The following CFAP54 variants were observed in gnomAD, a reference collection of about 807,000 sequenced individuals.
The protein encoded by CFAP54 is cilia- and flagella-associated protein 54.
CFAP54 carries 290 observed loss-of-function variants against 370.4 expected under a neutral mutation model. The observed-to-expected ratio is 0.78, with a 90% CI of 0.71 to 0.86. The LOEUF (loss-of-function observed/expected upper bound fraction) is 0.86, where lower values mean the gene tolerates loss of function less well. Among genes scored for constraint, CFAP54 ranks in the 40% least tolerant of loss-of-function variants. The pLI is 0.00. For synonymous variants in CFAP54, 1,206 were observed against 1,236.5 expected (o/e 0.98, Z 0.52); for missense variants, 3,399 against 3,528.7 (o/e 0.96, Z 0.93).
At chr12:96,754,964 G>A (rs1326367363) in intron 56 of CFAP54, among the ~76,000 whole-genome samples, 3 of 151,986 alleles carry the variant, frequency 2.0e-5, no homozygotes, top group Admixed American at 6.5e-5. Flanking sequence ...GGCTGATCTC[G>A]AACTCCTGAC....
At position 96,739,958 on chromosome 12, in the gene CFAP54, C is replaced by A. The variant is rs1216357039; in HGVS notation, c.6968C>A (p.Ala2323Asp). 2 of 1,493,678 alleles carry A rather than the reference C, an allele frequency of 1.3e-6. No homozygotes were observed. Among genetic ancestry groups the A allele is most frequent in the Non-Finnish European group, 1.9e-6 (2 of 1,080,242 alleles). 92.5% of individuals were successfully genotyped at this position (1,493,678 alleles called of 1,614,324 possible). Residue 2323 changes from alanine to aspartate, a missense_variant and splice_region_variant, in exon 51 of 68, where the codon GCT (alanine) becomes GAT (aspartate). Coordinates refer to ENST00000524981, the MANE Select transcript of CFAP54 (RefSeq NM_001306084.2). ...ALQRHRAAYSAAIVFSTLTLL... is the reference protein window; with the variant it reads ...ALQRHRAAYSDAIVFSTLTLL... Reference sequence around the variant, plus strand: ...TTAAAATATATTTTCTATTTTAGTGCTGCAATAGTATTTTCTACACTTACA... The same window carrying A: ...TTAAAATATATTTTCTATTTTAGTGATGCAATAGTATTTTCTACACTTACA...
At chr12:96,631,698 C>T (rs1474901551) in intron 32 of CFAP54, among the ~76,000 whole-genome samples, 1 of 148,716 alleles carries the variant, frequency 6.7e-6, no homozygotes, top group East Asian at 1.9e-4. Flanking sequence ...CATGCATAAA[C>T]AATATATATT....
Position 96,538,407 on chromosome 12 carries a change from T to C in CFAP54, c.1815T>C (p.Ile605=), listed in dbSNP as rs1955531493. 1.3e-6 allele frequency: 2 copies of C among 1,535,260 alleles called. No homozygotes were observed. Among genetic ancestry groups the C allele is most frequent in the South Asian group, 1.2e-5 (1 of 83,824 alleles). Residue 605 remains isoleucine, a synonymous_variant, in exon 13 of 68, where the codon ATT becomes ATC. Transcript: ENST00000524981. ...APQDVQPDKE[I]VVDTIMFLWQ... ...AGGATGTTCAACCTGATAAAGAAAT[T>C]GTTGTGGACACGATAATGTTCCTAT...
At chr12:96,548,108 C>T (rs531358291) in intron 15 of CFAP54, 130 bp downstream of exon 15, 1 of 465,702 alleles carries the variant, frequency 2.1e-6, no homozygotes, top group Non-Finnish European at 3.7e-6. Flanking sequence ...GATTATATGG[C>T]TTTATATATT....
At chr12:96,596,561 A>G (rs77438887) in intron 25 of CFAP54, among the ~76,000 whole-genome samples, 5,036 of 152,212 alleles carry the variant, frequency 0.033, 284 homozygotes, top group African/African-American at 0.12. Flanking sequence ...TGTACCATGT[A>G]CAAAAAGTCC....
intron 49 of CFAP54, among the ~76,000 whole-genome samples, chr12:96,718,946 G>T (rs1335045869): frequency 6.6e-6 from 1 of 151,958 alleles, no homozygotes; most frequent in East Asian, 1.9e-4. Context: ...GCTGAGGCAG[G>T]AGAATCGCTT....
intron 66 of CFAP54, among the ~76,000 whole-genome samples, chr12:96,850,190 C>A (rs1240176896): frequency 6.9e-6 from 1 of 144,264 alleles, no homozygotes; most frequent in Non-Finnish European, 1.5e-5. Context: ...ACTAGCCTGT[C>A]CAACATGGTG....
Position 96,784,721 on chromosome 12 carries a change from C to A in CFAP54, c.8286C>A (p.Asn2762Lys). 1 of 1,509,998 alleles carries A rather than the reference C, an allele frequency of 6.6e-7. No homozygotes were observed. Among genetic ancestry groups the A allele is most frequent in the Non-Finnish European group, 8.8e-7 (1 of 1,136,382 alleles). The allele number at this position is 1,509,998 out of a possible 1,614,324, so 93.5% of individuals were successfully genotyped here. The change falls in exon 61 of 68, where the codon AAC (asparagine) becomes AAA (lysine). Residue 2762 changes from asparagine to lysine, a missense_variant. This residue lies in a region of CFAP54 where 2,796 missense variants were observed against 2,869.7 expected (regional missense o/e 0.97). Coordinates refer to ENST00000524981, the MANE Select transcript of CFAP54 (RefSeq NM_001306084.2). ...LSSYTDYLLDNYQVLFQTSCT... is the reference protein window; with the variant it reads ...LSSYTDYLLDKYQVLFQTSCT... ...AAAAAAGTTTTTCACTTTCAGACAA[C>A]TACCAAGTCCTCTTCCAGACTTCCT... is the stretch of plus-strand genomic sequence containing the variant.
chr12:96,655,403 A>C (rs1412919862), intron 36 of CFAP54, among the ~76,000 whole-genome samples: 1 of 152,124 alleles, frequency 6.6e-6, no homozygotes, highest in African/African-American at 2.4e-5. Flanking sequence ...TCTTTACAAA[A>C]GTATCCAGGT....
At chr12:96,669,690 G>GA (rs561364178) in intron 39 of CFAP54, among the ~76,000 whole-genome samples, 167 of 152,284 alleles carry the variant, frequency 1.1e-3, no homozygotes, top group African/African-American at 3.8e-3. Flanking sequence ...CAGGTTAGAG[G>GA]AAAAGGTCGC....
chr12:96,706,476 G>A (rs1474084525), intron 47 of CFAP54, among the ~76,000 whole-genome samples: 1 of 152,148 alleles, frequency 6.6e-6, no homozygotes, highest in Non-Finnish European at 1.5e-5. Context: ...TGCCTAGCTT[G>A]GCGAGGGACA....
At position 96,685,064 on chromosome 12, in the gene CFAP54, A is replaced by C; in HGVS notation, c.5840A>C (p.Asp1947Ala). 1.9e-6 allele frequency: 3 copies of C among 1,614,072 alleles called. No homozygotes were observed. The highest frequency in any genetic ancestry group is 2.5e-6 in the Non-Finnish European group (3 of 1,180,006). Residue 1947 changes from aspartate to alanine, a missense_variant, in exon 42 of 68, where the codon GAC becomes GCC. Asp to Ala is a moderately radical substitution (Grantham distance 126). Coordinates refer to ENST00000524981, the MANE Select transcript of CFAP54 (RefSeq NM_001306084.2). ...AAGTGTTGGTGTCAAGCTCTTGATGACATATTCAGAAAACCAGACGTGCTA... is the reference window on the plus strand; with the variant it reads ...AAGTGTTGGTGTCAAGCTCTTGATGCCATATTCAGAAAACCAGACGTGCTA... ...AFKCWCQALD[D>A]IFRKPDVLHT... is the part of the protein sequence containing the mutation.
chr12:96,689,178 TGAGACGGAG>T (rs1592709823), intron 43 of CFAP54, among the ~76,000 whole-genome samples, 196 bp downstream of exon 43: 2 of 152,298 alleles, frequency 1.3e-5, no homozygotes, highest in East Asian at 3.9e-4. Flanking sequence ...TTTCTTTTTT[TGAGACGGAG>T]TCTCACTCTG....
intron 25 of CFAP54, among the ~76,000 whole-genome samples, chr12:96,598,098 T>C (rs1338770961): frequency 6.4e-5 from 5 of 78,088 alleles, no homozygotes; most frequent in Non-Finnish European, 1.3e-4. Context: ...CACACTACCT[T>C]TGAAAAGCTA....
intron 50 of CFAP54, among the ~76,000 whole-genome samples, chr12:96,728,496 C>G (rs536891625): frequency 3.3e-5 from 5 of 152,214 alleles, no homozygotes; most frequent in African/African-American, 1.2e-4. Flanking sequence ...GCATTCTTCA[C>G]GTAGTTCTCG....
chr12:96,535,354 T>A (rs1955490795), intron 11 of CFAP54, among the ~76,000 whole-genome samples, 161 bp from the exon 12 acceptor site: 1 of 152,204 alleles, frequency 6.6e-6, no homozygotes, highest in Admixed American at 6.5e-5. Context: ...CCAGCCAAGA[T>A]TAGTTTTCAT....
intron 32 of CFAP54, among the ~76,000 whole-genome samples, chr12:96,640,695 C>T (rs913482243): frequency 6.6e-6 from 1 of 152,144 alleles, no homozygotes. Context: ...GCTACAGTAA[C>T]CAAAACAGCA....
intron 1 of CFAP54, among the ~76,000 whole-genome samples, chr12:96,494,634 A>G (rs1030789902): frequency 2.6e-5 from 4 of 152,052 alleles, no homozygotes; most frequent in African/African-American, 9.7e-5. Flanking sequence ...TCTGATGATC[A>G]TATCCAAAGG....
At chr12:96,532,594 C>T (rs1039534643) in intron 9 of CFAP54, among the ~76,000 whole-genome samples, 2 of 152,072 alleles carry the variant, frequency 1.3e-5, no homozygotes, top group African/African-American at 4.8e-5. Context: ...AGCCTAATCC[C>T]TCCAAGTGTC....
Sources: allele counts gnomAD v4.1 joint callset (sites outside exome capture counted in the v4.1 genomes callset), GRCh38; gene constraint gnomAD v4.1.1; regional missense constraint gnomAD v4.1.1; transcripts MANE v1.5; gene names NCBI Gene and HGNC (gene_info 2026-07-23, HGNC 2026-07-21).